Variants in ENPP3 observed in about 807,000 individuals in gnomAD.
The protein encoded by ENPP3 is ectonucleotide pyrophosphatase/phosphodiesterase family member 3.
In ENPP3, 104 loss-of-function variants were observed where a neutral mutation model predicts 117.8. That is an observed-to-expected ratio of 0.88 (90% CI 0.75 to 1.04). The LOEUF is 1.04. Ranked by LOEUF, ENPP3 falls within the 50% of genes least tolerant of loss-of-function variation. The pLI, the probability that ENPP3 is intolerant of heterozygous loss-of-function variation, is 0.00. For synonymous variants in ENPP3, 380 were observed against 349.9 expected, an observed-to-expected ratio of 1.09 and a Z score of -0.96; for missense variants, 1,026 against 1,051.9, an observed-to-expected ratio of 0.98 and a Z score of 0.34.
chr6:131,738,274 G>A, intron 23 of ENPP3, 111 bp downstream of exon 23: 2 of 856,526 alleles, frequency 2.3e-6, no homozygotes, highest in Non-Finnish European at 1.8e-6. Flanking sequence ...ACAGACAAAT[G>A]TTATTGTTGA....
chr6:131,637,957 A>C (rs1379720266), intron 1 of ENPP3, among the ~76,000 whole-genome samples: 7 of 126,040 alleles, frequency 5.6e-5, no homozygotes, highest in African/African-American at 1.2e-4. Context: ...CCTTGATTTT[A>C]TTTTCTTTTT....
chr6:131,733,680 T>G lies in ENPP3; in HGVS notation c.2046T>G (p.Tyr682Ter), dbSNP rs767598233. Reference protein sequence around the residue: ...PPSESQKCSFYLADKNITHGF... With the variant: ...PPSESQKCSF ...CTGAGAGCCAAAAATGTTCCTTCTA[T>G]TTAGCAGACAAGAATATCACCCACG... Residue 682 changes from tyrosine (Y) to a stop codon, truncating the protein, a stop_gained, in exon 21 of 25, where the codon TAT becomes TAG. Coordinates refer to ENST00000357639, the MANE Select transcript of ENPP3 (RefSeq NM_005021.5). LOFTEE classifies it high-confidence loss of function. 6.2e-7 allele frequency: 1 copy of G among 1,614,022 alleles called. No homozygotes were observed. The highest frequency in any genetic ancestry group is 8.5e-7 in the Non-Finnish European group (1 of 1,180,008).
chr6:131,683,502 A>G (rs1054021066), intron 12 of ENPP3, among the ~76,000 whole-genome samples: 2 of 152,080 alleles, frequency 1.3e-5, no homozygotes, highest in Admixed American at 1.3e-4. Context: ...GATTGGCTGC[A>G]GTTTACTGTA....
chr6:131,740,373 G>A lies in ENPP3; in HGVS notation c.2450G>A (p.Ser817Asn). The change falls in exon 24 of 25, where the codon AGC becomes AAC. Residue 817 changes from serine (S) to asparagine (N), a missense_variant. Transcript: ENST00000357639. The stretch of plus-strand genomic sequence containing the variant: ...CCTCACCGACCTACCAACGTGGAGA[G>A]CTGTCCTGTGAGTATGCTTTGGGAG... ...IIPHRPTNVE[S>N]CPEGKPEALW... 2 of 1,607,396 alleles carry A rather than the reference G, an allele frequency of 1.2e-6. No individual in the cohort carries two copies. The highest frequency in any genetic ancestry group is 1.7e-6 in the Non-Finnish European group (2 of 1,176,794).
chr6:131,720,154 C>G, intron 16 of ENPP3, 138 bp from the exon 17 acceptor site: 1 of 536,866 alleles, frequency 1.9e-6, no homozygotes, highest in South Asian at 2.9e-5. Flanking sequence ...AAATCATTTT[C>G]AAAACTAAAA....
chr6:131,728,601 A>G (rs1780206502), intron 20 of ENPP3, among the ~76,000 whole-genome samples: 1 of 152,354 alleles, frequency 6.6e-6, no homozygotes, highest in Admixed American at 6.5e-5. Context: ...AGAAAATTAC[A>G]TACAAGGATG....
intron 6 of ENPP3, among the ~76,000 whole-genome samples, chr6:131,669,750 G>A (rs1392735705): frequency 6.7e-6 from 1 of 150,044 alleles, no homozygotes; most frequent in Non-Finnish European, 1.5e-5. Flanking sequence ...CCCCATCAGA[G>A]AATCCTATGT....
At chr6:131,642,576 T>G (rs1019598148) in intron 2 of ENPP3, among the ~76,000 whole-genome samples, 3 of 151,968 alleles carry the variant, frequency 2.0e-5, no homozygotes, top group African/African-American at 7.2e-5. Context: ...CCCCGCTTTT[T>G]GTTGTTTGTT....
intron 11 of ENPP3, among the ~76,000 whole-genome samples, chr6:131,678,999 TTGCTTCCTTCCTTCCTTCCTTCC>T (rs1778948593): frequency 1.3e-5 from 1 of 75,326 alleles, no homozygotes; most frequent in African/African-American, 7.4e-5. Flanking sequence ...CCTTCCTTCC[TTGCTTCCTTCCTTCCTTCCTTCC>T]TTCCTTCTTT....
chr6:131,708,969 A>G, intron 15 of ENPP3: 1 of 1,597,658 alleles, frequency 6.3e-7, no homozygotes, highest in South Asian at 1.1e-5. Context: ...CATTTTCAGC[A>G]GGGAGAGATG....
chr6:131,641,465 C>CT lies in ENPP3; in HGVS notation c.92dup (p.Leu31PhefsTer30), dbSNP rs1778038732. ...TCCTTTTTGCAATAGGTTCTTCTTG[C>CT]TTTGCTGGTGATCATGTCACTTGGA... is the stretch of plus-strand genomic sequence containing the variant. On this transcript the variant is annotated frameshift_variant, in exon 2 of 25. Coordinates refer to ENST00000357639, the MANE Select transcript of ENPP3 (RefSeq NM_005021.5). LOFTEE classifies it high-confidence loss of function. The CT allele has an allele frequency of 6.2e-7, 1 of 1,610,246 alleles. No individual in the cohort carries two copies. The highest frequency in any genetic ancestry group is 1.3e-5 in the African/African-American group (1 of 74,822).
intron 23 of ENPP3, among the ~76,000 whole-genome samples, chr6:131,739,589 T>A: frequency 6.9e-6 from 1 of 144,002 alleles, no homozygotes. Context: ...AATATCATGC[T>A]CTGCTTTTTT....
At chr6:131,721,570 C>T (rs563666399) in intron 17 of ENPP3, among the ~76,000 whole-genome samples, 2 of 151,248 alleles carry the variant, frequency 1.3e-5, no homozygotes, top group Middle Eastern at 3.4e-3. Flanking sequence ...TACAAACATG[C>T]AAATTGTATG....
At chr6:131,686,586 G>A (rs1779158774) in intron 14 of ENPP3, among the ~76,000 whole-genome samples, 1 of 152,180 alleles carries the variant, frequency 6.6e-6, no homozygotes, top group Non-Finnish European at 1.5e-5. Context: ...TATTGTGTGA[G>A]TCTGAGGTTT....
intron 2 of ENPP3, among the ~76,000 whole-genome samples, chr6:131,641,798 G>GGTT (rs1778047875): frequency 1.1e-5 from 1 of 88,386 alleles, no homozygotes; most frequent in African/African-American, 5.7e-5. Context: ...TCTCCACCCT[G>GGTT]GTTTTTTTTT....
At chr6:131,655,710 G>A (rs909365486) in intron 5 of ENPP3, among the ~76,000 whole-genome samples, 1 of 152,142 alleles carries the variant, frequency 6.6e-6, no homozygotes, top group African/African-American at 2.4e-5. Flanking sequence ...AGTTAGAATG[G>A]CCTTCTCCAA....
chr6:131,671,357 C>G (rs749118488), intron 7 of ENPP3, 30 bp downstream of exon 7: 1 of 1,327,340 alleles, frequency 7.5e-7, no homozygotes, highest in Non-Finnish European at 1.1e-6. Flanking sequence ...GTAAGACAGG[C>G]CAAAGACCAG....
At chr6:131,647,876 T>A (rs57893994) in intron 2 of ENPP3, among the ~76,000 whole-genome samples, 1 of 152,154 alleles carries the variant, frequency 6.6e-6, no homozygotes, top group Admixed American at 6.5e-5. Context: ...ATAGCTATCA[T>A]GTTTCCCTCC....
intron 2 of ENPP3, among the ~76,000 whole-genome samples, chr6:131,645,868 A>C (rs1473136822): frequency 5.3e-5 from 8 of 152,078 alleles, no homozygotes; most frequent in Admixed American, 5.2e-4. Context: ...TCTTAGTGTG[A>C]GTTTTGCCCT....
Sources: gnomAD v4.1 joint callset for allele counts (sites outside exome capture counted in the v4.1 genomes callset) on GRCh38, gnomAD v4.1.1 for gene constraint, MANE v1.5 for transcripts, NCBI Gene and HGNC (gene_info 2026-07-23, HGNC 2026-07-21) for gene names.